The following TOP1MT variants were observed in gnomAD, a reference collection of about 807,000 sequenced individuals.
TOP1MT encodes the protein DNA topoisomerase I, mitochondrial.
A neutral mutation model predicts 73.9 loss-of-function variants in TOP1MT; 80 were observed. The observed-to-expected ratio is 1.08, with a 90% confidence interval of 0.90 to 1.30. TOP1MT has a LOEUF of 1.30. TOP1MT is among the 50% of genes most tolerant of loss of function. TOP1MT has a pLI of 0.00. For missense variants in TOP1MT, 815 were observed against 808.0 expected, an observed-to-expected ratio of 1.01 and a Z score of -0.10; for synonymous variants, 338 against 326.4, an observed-to-expected ratio of 1.04 and a Z score of -0.38.
intron 2 of TOP1MT, 126 bp from the exon 3 acceptor site, chr8:143,329,597 C>G: frequency 8.7e-7 from 1 of 1,145,696 alleles, no homozygotes; most frequent in Non-Finnish European, 1.2e-6. Context: ...GCTAGGCCTT[C>G]TTCTGTAAGT....
intron 6 of TOP1MT, 77 bp from the exon 7 acceptor site, chr8:143,324,219 C>G: frequency 6.4e-7 from 1 of 1,569,818 alleles, no homozygotes; most frequent in Non-Finnish European, 8.7e-7. Context: ...ACTCTCCCTC[C>G]CCCAAACCTC....
chr8:143,318,925 G>A lies in TOP1MT; in HGVS notation c.1147-839C>T, dbSNP rs577737059. On this transcript the variant is annotated intron_variant, in intron 8 of 13. Coordinates refer to ENST00000329245, the MANE Select transcript of TOP1MT (RefSeq NM_052963.3). ...TGATCTTGACGAGGCTTTATGTCCC[G>A]CCTTTTTCTCTACATCACATGCATT... 3.7e-4 allele frequency among the ~76,000 whole-genome samples: 57 copies of A among 152,288 alleles called. No individual in the cohort carries two copies. In the Middle Eastern group the frequency reaches 0.014, roughly 36 times the overall value.
At chr8:143,334,631 A>T in intron 1 of TOP1MT, 109 bp downstream of exon 1, 1 of 1,486,162 alleles carries the variant, frequency 6.7e-7, no homozygotes, top group South Asian at 1.2e-5. Flanking sequence ...ACTTTTGGGA[A>T]AACCGGAAGC....
intron 7 of TOP1MT, among the ~76,000 whole-genome samples, chr8:143,321,625 G>A (rs1430395756): frequency 5.0e-5 from 2 of 39,644 alleles, no homozygotes; most frequent in African/African-American, 6.7e-5. Context: ...CCACACGCAC[G>A]CCACACACAG....
chr8:143,321,844 C>G (rs1298801272), intron 7 of TOP1MT, among the ~76,000 whole-genome samples: 1 of 103,776 alleles, frequency 9.6e-6, no homozygotes, highest in Non-Finnish European at 1.9e-5. Context: ...ACACGCCACA[C>G]GCACGCCACA....
At chr8:143,320,956 C>G (rs1586755611) in intron 8 of TOP1MT, among the ~76,000 whole-genome samples, 1 of 152,164 alleles carries the variant, frequency 6.6e-6, no homozygotes, top group Admixed American at 6.5e-5. Context: ...GGGCAGGAGA[C>G]GAAGCTGGCG....
chr8:143,314,796 T>C (rs1283728148), intron 12 of TOP1MT, among the ~76,000 whole-genome samples: 1 of 152,150 alleles, frequency 6.6e-6, no homozygotes, highest in East Asian at 1.9e-4. Context: ...GATATGATTA[T>C]ATATGAATAT....
intron 1 of TOP1MT, among the ~76,000 whole-genome samples, chr8:143,353,823 G>A (rs1444353080): frequency 3.3e-5 from 5 of 151,730 alleles, no homozygotes; most frequent in Non-Finnish European, 7.4e-5. Context: ...AATTAGCCAG[G>A]CGTGGTGGCG....
chr8:143,354,202 G>A (rs913547042), intron 1 of TOP1MT, among the ~76,000 whole-genome samples: 9 of 152,076 alleles, frequency 5.9e-5, no homozygotes, highest in East Asian at 3.9e-4. Flanking sequence ...AGATATACAC[G>A]CAGCAGGGTG....
At chr8:143,350,722 T>C (rs1397056645) in intron 1 of TOP1MT, among the ~76,000 whole-genome samples, 1 of 152,266 alleles carries the variant, frequency 6.6e-6, no homozygotes, top group East Asian at 1.9e-4. Flanking sequence ...AAAAAATCTT[T>C]CTGTAAATCA....
upstream of TOP1MT, among the ~76,000 whole-genome samples, chr8:143,348,279 C>A (rs1035345330): frequency 6.6e-6 from 1 of 152,184 alleles, no homozygotes; most frequent in Admixed American, 6.5e-5. This position sits in a 1 kb window ranked among gnomAD's most constrained non-coding sequence, Gnocchi z 4.6. Context: ...AATGTCCACA[C>A]AGAGGACAGC....
intron 1 of TOP1MT, chr8:143,332,596 A>ACCCTTC: frequency 7.8e-7 from 1 of 1,287,996 alleles, no homozygotes; most frequent in Non-Finnish European, 1.0e-6. Flanking sequence ...GAAGTCTCTG[A>ACCCTTC]AGGGTCTGAG....
intron 5 of TOP1MT, 29 bp downstream of exon 5, chr8:143,325,317 G>A: frequency 6.4e-7 from 1 of 1,569,492 alleles, no homozygotes; most frequent in Middle Eastern, 1.8e-4. Flanking sequence ...GGGGTCCAGT[G>A]CCCGCCTGCT....
chr8:143,310,314 C>A, intron 12 of TOP1MT, 97 bp from the exon 13 acceptor site: 1 of 901,392 alleles, frequency 1.1e-6, no homozygotes, highest in East Asian at 2.8e-5. Flanking sequence ...CCTCCCAGTG[C>A]AGCCCTGTCC....
At chr8:143,310,741 A>G (rs1053755909) in intron 12 of TOP1MT, among the ~76,000 whole-genome samples, 13 of 152,244 alleles carry the variant, frequency 8.5e-5, no homozygotes, top group Non-Finnish European at 8.8e-5. Context: ...GTGCGTGGAA[A>G]GACAAACTTG....
intron 8 of TOP1MT, among the ~76,000 whole-genome samples, chr8:143,319,981 G>A (rs909201157): frequency 6.6e-5 from 10 of 151,764 alleles, no homozygotes; most frequent in Non-Finnish European, 1.3e-4. Flanking sequence ...AAAATCAGCT[G>A]AGCTTGGTGG....
intron 5 of TOP1MT, 48 bp from the exon 6 acceptor site, chr8:143,324,677 G>T: frequency 6.3e-7 from 1 of 1,592,288 alleles, no homozygotes; most frequent in African/African-American, 1.4e-5. Flanking sequence ...CTTATTCTCT[G>T]GAATGCAAGC....
chr8:143,352,975 C>A (rs1453999397), intron 1 of TOP1MT, among the ~76,000 whole-genome samples: 1 of 152,166 alleles, frequency 6.6e-6, no homozygotes, highest in Non-Finnish European at 1.5e-5. Context: ...AAATTGAACT[C>A]AGGTAAAAGA....
Position 143,310,087 on chromosome 8 carries a change from G to A in TOP1MT, c.1684C>T (p.Pro562Ser). Residue 562 changes from proline to serine, a missense_variant, in exon 13 of 14, where the codon CCC (proline) becomes TCC (serine). Coordinates refer to ENST00000329245, the MANE Select transcript of TOP1MT (RefSeq NM_052963.3). The stretch of plus-strand genomic sequence containing the variant: ...ACGCACCAGGCAATGCTGATCCTGG[G>A]GTCCAGGTAGTTGAGCTTGGACGTG... ...LGTSKLNYLD[P>S]RISIAWCKRF... 1 of 1,613,156 alleles carries A rather than the reference G, an allele frequency of 6.2e-7. No homozygotes were observed. The highest frequency in any genetic ancestry group is 8.5e-7 in the Non-Finnish European group (1 of 1,179,996).
Sources: allele counts gnomAD v4.1 joint callset (sites outside exome capture counted in the v4.1 genomes callset), GRCh38; gene constraint gnomAD v4.1.1; non-coding constraint Gnocchi (gnomAD v3.1); transcripts MANE v1.5; gene names NCBI Gene and HGNC (gene_info 2026-07-23, HGNC 2026-07-21).